Variants in CCL1 observed in about 807,000 individuals in gnomAD.
The protein encoded by CCL1 is C-C motif chemokine ligand 1.
Under a neutral mutation model 7.5 loss-of-function variants are expected in CCL1, and 9 were observed. The observed-to-expected ratio is 1.20, with a 90% CI of 0.72 to 2.09. The LOEUF (loss-of-function observed/expected upper bound fraction) is 2.09, where lower values mean the gene tolerates loss of function less well. CCL1 is among the 30% of genes most tolerant of loss of function. CCL1 has a pLI of 0.00. For missense variants in CCL1, 110 were observed against 113.7 expected, an observed-to-expected ratio of 0.97 and a Z score of 0.15; for synonymous variants, 48 against 44.7, an observed-to-expected ratio of 1.07 and a Z score of -0.30.
At chr17:34,362,971 G>A in intron 1 of CCL1, 115 bp downstream of exon 1, 2 of 892,786 alleles carry the variant, frequency 2.2e-6, no homozygotes, top group East Asian at 2.5e-5. Flanking sequence ...TCTTTAGGTA[G>A]GAAGAGGGGA....
In CCL1 at chr17:34,363,087, G is replaced by C. The variant is rs763219896; in HGVS notation, c.75C>G (p.Ser25Arg). The stretch of plus-strand genomic sequence containing the variant: ...CAAAATGATGCCTGCCACACTCACT[G>C]CTCTTGCTGTCCACATCTTCCGGCC... ...GMWPEDVDSK[S>R]MQVPFSRCCF... Residue 25 changes from serine (S) to arginine (R), a missense_variant and splice_region_variant, in exon 1 of 3, where the codon AGC (serine) becomes AGG (arginine). Transcript: ENST00000225842. The C allele has an allele frequency of 2.5e-6, 4 of 1,612,338 alleles. No individual in the cohort carries two copies. In the East Asian group the frequency reaches 6.7e-5, roughly 27 times the overall value.
In CCL1 at chr17:34,360,554, T is replaced by A. The variant is rs1299618042; in HGVS notation, c.*5A>T. 3.1e-6 allele frequency: 5 copies of A among 1,608,978 alleles called. No individual in the cohort carries two copies. The highest frequency in any genetic ancestry group is 4.3e-6 in the Non-Finnish European group (5 of 1,175,562). On this transcript the variant is annotated 3_prime_UTR_variant, in exon 3 of 3. Transcript: ENST00000225842. ...TTCCAGAGCCCACAATGGAAAGAAA[T>A]CTGCTCATTTTCTTTTTGACGGGCA...
At chr17:34,360,761 T>A in intron 2 of CCL1, 100 bp from the exon 3 acceptor site, 1 of 866,586 alleles carries the variant, frequency 1.2e-6, no homozygotes, top group Non-Finnish European at 1.9e-6. Context: ...TCCCCTAAAC[T>A]GCTCTTGCTA....
At chr17:34,360,724 C>T (rs781602361) in intron 2 of CCL1, 63 bp from the exon 3 acceptor site, 20 of 1,250,624 alleles carry the variant, frequency 1.6e-5, no homozygotes, top group Non-Finnish European at 2.3e-5. Flanking sequence ...GGGCAACGCA[C>T]AAGCCCCGCC....
In CCL1 at chr17:34,360,464, G is replaced by T. The variant is rs1910476191; in HGVS notation, c.*95C>A. Reference sequence around the variant, plus strand: ...GACCAAGCAGATCCTCTGTGACCTAGCAAAAGCAGGGCAGAAGGAATGGTG... The same window carrying T: ...GACCAAGCAGATCCTCTGTGACCTATCAAAAGCAGGGCAGAAGGAATGGTG... On this transcript the variant is annotated 3_prime_UTR_variant, in exon 3 of 3. Coordinates refer to ENST00000225842, the MANE Select transcript of CCL1 (RefSeq NM_002981.2). 3 of 940,788 alleles carry T rather than the reference G, an allele frequency of 3.2e-6. No individual in the cohort carries two copies. Among genetic ancestry groups the T allele is most frequent in the Non-Finnish European group, 3.5e-6 (2 of 570,358 alleles). The allele number at this position is 940,788 out of a possible 1,614,324, so 58.3% of individuals were successfully genotyped here. A position where few individuals can be genotyped will look rare whatever the true frequency, so the allele number is the denominator to read the frequency against.
intron 1 of CCL1, 83 bp from the exon 2 acceptor site, chr17:34,361,979 AAC>A (rs1597614915): frequency 1.3e-6 from 1 of 770,050 alleles, no homozygotes; most frequent in East Asian, 3.0e-5. Flanking sequence ...CAAACAAAAA[AAC>A]GCCTCCCAGG....
chr17:34,361,279 T>C (rs1395882883), intron 2 of CCL1, among the ~76,000 whole-genome samples: 2 of 152,122 alleles, frequency 1.3e-5, no homozygotes, highest in African/African-American at 2.4e-5. Context: ...AGCCTTAAAA[T>C]ACTGACTGGT....
chr17:34,362,583 C>T (rs117182882), intron 1 of CCL1, among the ~76,000 whole-genome samples: 1 of 152,218 alleles, frequency 6.6e-6, no homozygotes, highest in East Asian at 1.9e-4. Context: ...CTGTTTGCAC[C>T]CCCTTTCATG....
Position 34,362,128 on chromosome 17 carries a change from C to T in CCL1, c.77-232G>A, listed in dbSNP as rs538423049. Among the ~76,000 whole-genome samples, 68 of 152,170 alleles carry T rather than the reference C, an allele frequency of 4.5e-4. 1 individual carries two copies. The South Asian group carries it at 0.014, about 31-fold the overall frequency. On this transcript the variant is annotated intron_variant, in intron 1 of 2. Transcript: ENST00000225842. ...GCTCCCCGCACCCCAGCTGAGTGGC[C>T]CTGAGGAAGATGTGCCTTCACCCTG...
At position 34,360,342 on chromosome 17, in the gene CCL1, A is replaced by G; in HGVS notation, c.*217T>C. ...CCCCTGGCTCCCACCTCTCAATGCC[A>G]ATCAAGTTTTCACTCTGAAATCCAA... On this transcript the variant is annotated 3_prime_UTR_variant, in exon 3 of 3. Transcript: ENST00000225842. The G allele has an allele frequency of 2.0e-6, 1 of 507,736 alleles. No individual in the cohort carries two copies. The highest frequency in any genetic ancestry group is 2.1e-5 in the South Asian group (1 of 47,208). The allele number at this position is 507,736 out of a possible 1,614,324, so 31.5% of individuals were successfully genotyped here.
chr17:34,362,979 G>C (rs1195452660), intron 1 of CCL1, 107 bp downstream of exon 1: 1 of 958,864 alleles, frequency 1.0e-6, no homozygotes, highest in Non-Finnish European at 1.6e-6. Flanking sequence ...TAGGAAGAGG[G>C]GAGATAGAGT....
intron 1 of CCL1, among the ~76,000 whole-genome samples, chr17:34,362,643 T>C (rs369040477): frequency 1.3e-4 from 20 of 152,276 alleles, no homozygotes; most frequent in African/African-American, 4.3e-4. Flanking sequence ...GCAGACATCA[T>C]CAACTCCATT....
Position 34,360,677 on chromosome 17 carries a change from A to AAG in CCL1, c.189-18_189-17dup. ...CAGCTTGAATCTGTGAACAGAGAAT[A>AAG]AGAGAGAAGGCTGAGCCACCCAAGC... On this transcript the variant is annotated splice_polypyrimidine_tract_variant and intron_variant, in intron 2 of 2. Transcript: ENST00000225842. The AAG allele has an allele frequency of 6.2e-7, 1 of 1,603,100 alleles. No individual in the cohort carries two copies. Among genetic ancestry groups the AAG allele is most frequent in the Middle Eastern group, 2.0e-4 (1 of 5,128 alleles).
chr17:34,361,027 C>T (rs1910491567), intron 2 of CCL1, among the ~76,000 whole-genome samples: 2 of 151,806 alleles, frequency 1.3e-5, no homozygotes, highest in African/African-American at 4.8e-5. Context: ...TTACTTGTTG[C>T]GTTGGACTCA....
In CCL1 at chr17:34,360,617, A is replaced by G. The variant is rs749043484; in HGVS notation, c.233T>C (p.Val78Ala). 1.2e-6 allele frequency: 2 copies of G among 1,613,632 alleles called. No individual in the cohort carries two copies. Among genetic ancestry groups the G allele is most frequent in the Non-Finnish European group, 8.5e-7 (1 of 1,179,950 alleles). ...RGKEACALDT[V>A]GWVQRHRKML... ...TTTTCTGTGCCTCTGAACCCATCCAACTGTGTCCAAGGCGCAGGCCTCTTT... is the reference window on the plus strand; with the variant it reads ...TTTTCTGTGCCTCTGAACCCATCCAGCTGTGTCCAAGGCGCAGGCCTCTTT... The change falls in exon 3 of 3, where the codon GTT (valine) becomes GCT (alanine). Residue 78 changes from valine to alanine, a missense_variant. Transcript: ENST00000225842.
intron 2 of CCL1, 92 bp downstream of exon 2, chr17:34,361,693 T>G: frequency 1.1e-6 from 1 of 880,428 alleles, no homozygotes; most frequent in Non-Finnish European, 1.8e-6. Context: ...AACCTTATTC[T>G]GGTAAAATAC....
intron 2 of CCL1, among the ~76,000 whole-genome samples, chr17:34,361,159 T>C (rs540204921): frequency 6.6e-6 from 1 of 152,292 alleles, no homozygotes; most frequent in Non-Finnish European, 1.5e-5. Flanking sequence ...ACTCTATCTC[T>C]TACTCTCTGG....
In CCL1 at chr17:34,360,387, G is replaced by A. The variant is rs1472157937; in HGVS notation, c.*172C>T. The stretch of plus-strand genomic sequence containing the variant: ...ATCCAAGAGACCCAGAGGGTTGGGG[G>A]TTGATGATTGTATAATTTAAATGTT... On this transcript the variant is annotated 3_prime_UTR_variant, in exon 3 of 3. Coordinates refer to ENST00000225842, the MANE Select transcript of CCL1 (RefSeq NM_002981.2). 1 of 579,516 alleles carries A rather than the reference G, an allele frequency of 1.7e-6. No individual in the cohort carries two copies. Among genetic ancestry groups the A allele is most frequent in the Non-Finnish European group, 3.1e-6 (1 of 321,720 alleles). 35.9% of individuals were successfully genotyped at this position (579,516 alleles called of 1,614,324 possible).
At chr17:34,361,624 C>T (rs928172540) in intron 2 of CCL1, among the ~76,000 whole-genome samples, 161 bp downstream of exon 2, 5 of 152,246 alleles carry the variant, frequency 3.3e-5, no homozygotes, top group African/African-American at 7.2e-5. Context: ...GGAAGCTCAG[C>T]GCTCCCTCTA....
Sources: allele counts gnomAD v4.1 joint callset (sites outside exome capture counted in the v4.1 genomes callset), GRCh38; gene constraint gnomAD v4.1.1; transcripts MANE v1.5; gene names NCBI Gene and HGNC (gene_info 2026-07-23, HGNC 2026-07-21).